MEOX2: variants seen among roughly 807,000 people sequenced by gnomAD.
MEOX2 encodes homeobox protein MOX-2.
MEOX2 carries 11 observed loss-of-function variants against 27.0 expected under a neutral mutation model. That is an observed-to-expected ratio of 0.41 (90% CI 0.26 to 0.68). MEOX2 has a LOEUF of 0.68. MEOX2 is among the 30% of genes least tolerant of loss of function. The probability of loss-of-function intolerance (pLI) is 0.33; values close to 1 mark genes in which losing one functional copy is unlikely to be tolerated. For missense variants in MEOX2, 436 were observed against 385.4 expected, an observed-to-expected ratio of 1.13 and a Z score of -1.10; for synonymous variants, 189 against 155.4, an observed-to-expected ratio of 1.22 and a Z score of -1.61.
intron 1 of MEOX2, among the ~76,000 whole-genome samples, chr7:15,677,055 AT>A (rs1222870431): frequency 6.6e-6 from 1 of 152,114 alleles, no homozygotes; most frequent in Non-Finnish European, 1.5e-5. Flanking sequence ...CTTGGCTAGA[AT>A]TCACCTTACA....
intron 1 of MEOX2, among the ~76,000 whole-genome samples, chr7:15,684,977 C>T (rs1201054312): frequency 1.3e-5 from 2 of 152,222 alleles, no homozygotes; most frequent in African/African-American, 2.4e-5. Context: ...GGAAGGTTCC[C>T]CTTTTGCATG....
intron 2 of MEOX2, among the ~76,000 whole-genome samples, chr7:15,622,072 G>C (rs1174063992): frequency 6.6e-6 from 1 of 152,102 alleles, no homozygotes; most frequent in Non-Finnish European, 1.5e-5. Flanking sequence ...AGCCGAGACT[G>C]CACCACTGCA....
At chr7:15,672,355 C>T (rs1456388979) in intron 1 of MEOX2, among the ~76,000 whole-genome samples, 1 of 152,076 alleles carries the variant, frequency 6.6e-6, no homozygotes. Flanking sequence ...CATAACTGCA[C>T]AGAATGTATA....
At chr7:15,653,851 ACTT>A (rs1488124535) in intron 1 of MEOX2, among the ~76,000 whole-genome samples, 1 of 151,904 alleles carries the variant, frequency 6.6e-6, no homozygotes, top group Non-Finnish European at 1.5e-5. Flanking sequence ...AGAATCCGCT[ACTT>A]CTTATCACTT....
intron 1 of MEOX2, among the ~76,000 whole-genome samples, chr7:15,643,951 G>A (rs967660380): frequency 6.6e-6 from 1 of 152,182 alleles, no homozygotes; most frequent in African/African-American, 2.4e-5. Flanking sequence ...AACAAAACAA[G>A]ACAATGCTGT....
At chr7:15,640,857 G>A (rs1446267161) in intron 1 of MEOX2, among the ~76,000 whole-genome samples, 1 of 152,086 alleles carries the variant, frequency 6.6e-6, no homozygotes, top group Non-Finnish European at 1.5e-5. Flanking sequence ...AACTATCCTT[G>A]CTTCCCTGGA....
At chr7:15,649,761 A>G (rs571062990) in intron 1 of MEOX2, among the ~76,000 whole-genome samples, 1 of 152,176 alleles carries the variant, frequency 6.6e-6, no homozygotes, top group South Asian at 2.1e-4. Context: ...AGCAATGAGT[A>G]TGGGGTATTG....
intron 1 of MEOX2, among the ~76,000 whole-genome samples, chr7:15,684,568 T>A (rs1782347908): frequency 6.6e-6 from 1 of 152,188 alleles, no homozygotes; most frequent in Non-Finnish European, 1.5e-5. Flanking sequence ...TGAAGAACAA[T>A]TGATATTGCT....
intron 1 of MEOX2, among the ~76,000 whole-genome samples, chr7:15,667,710 G>T (rs1419155528): frequency 6.6e-6 from 1 of 151,900 alleles, no homozygotes; most frequent in Non-Finnish European, 1.5e-5. Context: ...ATTCATCTTG[G>T]GCTAAAATAC....
At chr7:15,661,909 C>A (rs1356255572) in intron 1 of MEOX2, among the ~76,000 whole-genome samples, 1 of 152,154 alleles carries the variant, frequency 6.6e-6, no homozygotes, top group Non-Finnish European at 1.5e-5. Flanking sequence ...CAACTACATA[C>A]TGTAAAATTG....
At chr7:15,665,280 T>A (rs533097031) in intron 1 of MEOX2, among the ~76,000 whole-genome samples, 1 of 150,218 alleles carries the variant, frequency 6.7e-6, no homozygotes, top group African/African-American at 2.4e-5. Context: ...TAAGTTTACC[T>A]TAAAGTATGA....
chr7:15,657,531 C>T (rs1781843157), intron 1 of MEOX2, among the ~76,000 whole-genome samples: 1 of 152,088 alleles, frequency 6.6e-6, no homozygotes, highest in South Asian at 2.1e-4. Context: ...ATAATTTCCA[C>T]TTGGTTCTCC....
chr7:15,629,533 G>A (rs1781367487), intron 1 of MEOX2, among the ~76,000 whole-genome samples: 1 of 152,052 alleles, frequency 6.6e-6, no homozygotes, highest in African/African-American at 2.4e-5. Flanking sequence ...CCATTGAATT[G>A]TAATTAAATT....
chr7:15,644,782 T>C (rs1300264834), intron 1 of MEOX2, among the ~76,000 whole-genome samples: 1 of 152,196 alleles, frequency 6.6e-6, no homozygotes, highest in African/African-American at 2.4e-5. Flanking sequence ...AGTTGTGTGC[T>C]GGTAGGAGGG....
intron 1 of MEOX2, among the ~76,000 whole-genome samples, chr7:15,641,165 G>T (rs990115366): frequency 6.6e-5 from 10 of 151,882 alleles, no homozygotes; most frequent in African/African-American, 2.4e-4. Context: ...TTTTTAATTG[G>T]TAGATGTTTT....
intron 1 of MEOX2, among the ~76,000 whole-genome samples, chr7:15,660,190 A>G (rs1781890349): frequency 6.6e-6 from 1 of 152,192 alleles, no homozygotes; most frequent in Non-Finnish European, 1.5e-5. Flanking sequence ...TAGCAAGAAC[A>G]CAATCTAGAA....
chr7:15,668,658 T>C (rs1180734448), intron 1 of MEOX2, among the ~76,000 whole-genome samples: 1 of 152,124 alleles, frequency 6.6e-6, no homozygotes, highest in Non-Finnish European at 1.5e-5. Flanking sequence ...GTATTTTTAG[T>C]AGAGATGGGG....
intron 1 of MEOX2, among the ~76,000 whole-genome samples, chr7:15,685,522 C>A (rs1040721861): frequency 5.9e-4 from 90 of 152,350 alleles, no homozygotes; most frequent in African/African-American, 2.0e-3. Context: ...CGCACGCACG[C>A]CTGCCCAACG....
chr7:15,650,030 T>A (rs1230055677), intron 1 of MEOX2, among the ~76,000 whole-genome samples: 1 of 152,058 alleles, frequency 6.6e-6, no homozygotes, highest in African/African-American at 2.4e-5. Flanking sequence ...AGCCTATAGA[T>A]CAAATGTTTT....
Sources: gnomAD v4.1 joint callset for allele counts (sites outside exome capture counted in the v4.1 genomes callset) on GRCh38, gnomAD v4.1.1 for gene constraint, MANE v1.5 for transcripts, NCBI Gene and HGNC (gene_info 2026-07-23, HGNC 2026-07-21) for gene names.